FRK: variants seen among roughly 807,000 people sequenced by gnomAD.
FRK encodes the protein fyn related Src family tyrosine kinase, also known as tyrosine-protein kinase FRK.
A neutral mutation model predicts 56.4 loss-of-function variants in FRK; 51 were observed. The observed-to-expected ratio is 0.90, with a 90% CI of 0.72 to 1.14. The LOEUF (loss-of-function observed/expected upper bound fraction) is 1.14, where lower values mean the gene tolerates loss of function less well. FRK is among the 50% of genes most tolerant of loss of function. The pLI is 0.00. For synonymous variants in FRK, 245 were observed against 217.9 expected (o/e 1.12, Z -1.10); for missense variants, 570 against 601.4 (o/e 0.95, Z 0.55).
chr6:115,970,968 T>C (rs1403457932), intron 2 of FRK, among the ~76,000 whole-genome samples: 1 of 152,234 alleles, frequency 6.6e-6, no homozygotes, highest in Non-Finnish European at 1.5e-5. Context: ...ACTATTGATA[T>C]GAGGGGTCAG....
chr6:116,090,136 G>C, the FRK span, among the ~76,000 whole-genome samples: 1 of 152,294 alleles, frequency 6.6e-6, no homozygotes, highest in Admixed American at 6.5e-5. Context: ...CAGATAAACA[G>C]GATGAAGAGC....
At chr6:116,034,388 C>G (rs1776396451) in intron 1 of FRK, among the ~76,000 whole-genome samples, 1 of 152,004 alleles carries the variant, frequency 6.6e-6, no homozygotes. Flanking sequence ...TATTATGTAT[C>G]AAAAATAATG....
chr6:116,027,470 A>G (rs1467699787), intron 1 of FRK, among the ~76,000 whole-genome samples: 1 of 152,218 alleles, frequency 6.6e-6, no homozygotes, highest in Non-Finnish European at 1.5e-5. Context: ...TTATCAAAGT[A>G]CAGTGTCAGA....
chr6:116,016,357 A>C (rs1402503442), intron 1 of FRK, among the ~76,000 whole-genome samples: 3 of 152,212 alleles, frequency 2.0e-5, no homozygotes. Context: ...GCATGAAGAA[A>C]AGAGAAATAG....
chr6:115,951,929 A>G (rs889586158), intron 5 of FRK, among the ~76,000 whole-genome samples: 4 of 152,144 alleles, frequency 2.6e-5, no homozygotes, highest in Admixed American at 6.5e-5. Flanking sequence ...TCCATTACTC[A>G]AGAATCTTGA....
chr6:115,940,710 C>A lies in FRK; in HGVS notation c.*1704G>T, dbSNP rs1266821263. 1 of 152,114 alleles carries A rather than the reference C, an allele frequency of 6.6e-6. No individual in the cohort carries two copies. The highest frequency in any genetic ancestry group is 2.4e-5 in the African/African-American group (1 of 41,416). The allele number at this position is 152,114 out of a possible 1,614,324, so 9.4% of individuals were successfully genotyped here. A position where few individuals can be genotyped will look rare whatever the true frequency, so the allele number is the denominator to read the frequency against. Reference sequence around the variant, plus strand: ...ATTTCAAAAGAAGATATTTATGCAGCCAACAGACATATGAAAAAAAGCTCA... The same window carrying A: ...ATTTCAAAAGAAGATATTTATGCAGACAACAGACATATGAAAAAAAGCTCA... On this transcript the variant is annotated 3_prime_UTR_variant, in exon 8 of 8. Coordinates refer to ENST00000606080, the MANE Select transcript of FRK (RefSeq NM_002031.3).
At chr6:116,014,044 T>C (rs1307906004) in intron 1 of FRK, among the ~76,000 whole-genome samples, 1 of 152,184 alleles carries the variant, frequency 6.6e-6, no homozygotes, top group East Asian at 1.9e-4. Context: ...GCCCTGGGGC[T>C]TATCATTTTA....
At chr6:116,091,306 C>CCAA in the FRK span, among the ~76,000 whole-genome samples, 2 of 152,182 alleles carry the variant, frequency 1.3e-5, no homozygotes, top group East Asian at 3.8e-4. Flanking sequence ...GTAAAATGGA[C>CCAA]CAATCAGCAG....
chr6:116,042,397 C>A (rs755924880), intron 1 of FRK, among the ~76,000 whole-genome samples: 5 of 152,200 alleles, frequency 3.3e-5, no homozygotes, highest in Admixed American at 2.6e-4. Flanking sequence ...TCTGCAAAAA[C>A]CCCACATGCC....
chr6:116,000,620 T>C (rs1775029285), intron 2 of FRK, among the ~76,000 whole-genome samples: 1 of 152,138 alleles, frequency 6.6e-6, no homozygotes, highest in African/African-American at 2.4e-5. Flanking sequence ...GCCACCTAAT[T>C]TGACACTTAT....
intron 6 of FRK, among the ~76,000 whole-genome samples, chr6:115,943,862 T>G (rs1482235913): frequency 6.6e-6 from 1 of 152,158 alleles, no homozygotes; most frequent in Non-Finnish European, 1.5e-5. Context: ...GCTGAAGAAT[T>G]CTGGCAGCAT....
At chr6:116,098,101 T>TA in the FRK span, among the ~76,000 whole-genome samples, 1 of 39,870 alleles carries the variant, frequency 2.5e-5, no homozygotes, top group Non-Finnish European at 5.3e-5. Context: ...TACAGACAGC[T>TA]TTTTTTTTTT....
chr6:116,100,385 A>G, the FRK span, among the ~76,000 whole-genome samples: 2 of 152,250 alleles, frequency 1.3e-5, no homozygotes, highest in Non-Finnish European at 2.9e-5. Flanking sequence ...CACGTGGGTG[A>G]AAAGACCTTC....
the FRK span, among the ~76,000 whole-genome samples, chr6:116,071,578 C>T: frequency 3.3e-5 from 5 of 152,154 alleles, no homozygotes; most frequent in African/African-American, 9.7e-5. Context: ...AAACACTTAT[C>T]AGCTAGTCTG....
intron 4 of FRK, 39 bp from the exon 5 acceptor site, chr6:115,956,649 A>C (rs1347453981): frequency 6.9e-7 from 1 of 1,449,080 alleles, no homozygotes; most frequent in African/African-American, 1.4e-5. Flanking sequence ...TATGTTATTG[A>C]GGCATTCCTA....
rs536661323 is a variant in FRK, at chr6:115,967,658, C to A, written c.692G>T (p.Arg231Leu). 6.2e-6 allele frequency: 10 copies of A among 1,612,978 alleles called. No individual in the cohort carries two copies. The Admixed American group carries it at 1.2e-4, about 19-fold the overall frequency. Residue 231 changes from arginine (R) to leucine (L), a missense_variant, in exon 4 of 8, where the codon CGC (arginine) becomes CTC (leucine). Coordinates refer to ENST00000606080, the MANE Select transcript of FRK (RefSeq NM_002031.3). ...TCGCTTCAGAAGCTGTATGGAGTTGCGGTCTATCTCCCATTGGTCCACGGT... is the reference window on the plus strand; with the variant it reads ...TCGCTTCAGAAGCTGTATGGAGTTGAGGTCTATCTCCCATTGGTCCACGGT... ...YKTVDQWEID[R>L]NSIQLLKRLG...
At chr6:116,024,490 C>T (rs1159633269) in intron 1 of FRK, among the ~76,000 whole-genome samples, 1 of 151,166 alleles carries the variant, frequency 6.6e-6, no homozygotes, top group Non-Finnish European at 1.5e-5. Context: ...TGTTCAATTC[C>T]CACCTATGAG....
the FRK span, among the ~76,000 whole-genome samples, chr6:116,081,783 C>T: frequency 6.6e-6 from 1 of 152,110 alleles, no homozygotes; most frequent in Non-Finnish European, 1.5e-5. Flanking sequence ...AATATCTACA[C>T]ATTAATCAAG....
the FRK span, among the ~76,000 whole-genome samples, chr6:116,078,096 G>A: frequency 4.3e-3 from 651 of 152,256 alleles, 3 homozygotes; most frequent in Non-Finnish European, 6.3e-3. Flanking sequence ...GGAAGCGAAG[G>A]TTGCAGTGAG....
Sources: gnomAD v4.1 joint callset for allele counts (sites outside exome capture counted in the v4.1 genomes callset) on GRCh38, gnomAD v4.1.1 for gene constraint, MANE v1.5 for transcripts, NCBI Gene and HGNC (gene_info 2026-07-23, HGNC 2026-07-21) for gene names.